Variants in CCDC170 observed in about 807,000 individuals in gnomAD.
The protein encoded by CCDC170 is coiled-coil domain-containing protein 170.
CCDC170 carries 69 observed loss-of-function variants against 72.6 expected under a neutral mutation model. The observed-to-expected ratio is 0.95, with a 90% CI of 0.78 to 1.16. The LOEUF is 1.16. Among genes scored for constraint, CCDC170 ranks in the 50% most tolerant of loss-of-function variants. The pLI is 0.00. For missense variants in CCDC170, 852 were observed against 832.5 expected (o/e 1.02, Z -0.29); for synonymous variants, 300 against 303.9 (o/e 0.99, Z 0.13).
intron 5 of CCDC170, among the ~76,000 whole-genome samples, chr6:151,550,673 A>C (rs1248950678): frequency 6.6e-6 from 1 of 152,142 alleles, no homozygotes; most frequent in Non-Finnish European, 1.5e-5. Context: ...ATTTCTCACA[A>C]ATCTGGAGGC....
chr6:151,511,407 CTATT>C (rs1233759963), intron 1 of CCDC170, among the ~76,000 whole-genome samples: 1 of 152,156 alleles, frequency 6.6e-6, no homozygotes, highest in Non-Finnish European at 1.5e-5. Context: ...TTCTGTTTGT[CTATT>C]TATCTTCCCA....
chr6:151,567,776 A>G (rs113118761), intron 5 of CCDC170, among the ~76,000 whole-genome samples: 2,822 of 152,190 alleles, frequency 0.019, 100 homozygotes, highest in African/African-American at 0.064. Flanking sequence ...CTTACCACAC[A>G]AGTCTAACAA....
intron 4 of CCDC170, among the ~76,000 whole-genome samples, chr6:151,545,419 A>C (rs1782756145): frequency 6.7e-6 from 1 of 149,686 alleles, no homozygotes; most frequent in South Asian, 2.1e-4. Context: ...CTCAAAAAAT[A>C]AACAAAACAA....
chr6:151,524,364 T>C (rs1782370512), intron 1 of CCDC170, among the ~76,000 whole-genome samples: 1 of 152,190 alleles, frequency 6.6e-6, no homozygotes, highest in Non-Finnish European at 1.5e-5. Flanking sequence ...TCAGTGATTC[T>C]CCTTTTGACT....
chr6:151,521,967 C>CA (rs1782322807), intron 1 of CCDC170, among the ~76,000 whole-genome samples: 3 of 133,364 alleles, frequency 2.2e-5, no homozygotes, highest in East Asian at 2.2e-4. Flanking sequence ...GCCTGGGTGA[C>CA]TGAGCGAGAC....
Position 151,517,169 on chromosome 6 carries a change from C to T in CCDC170, c.58-19149C>T, listed in dbSNP as rs140474718. On this transcript the variant is annotated intron_variant, in intron 1 of 10. Coordinates refer to ENST00000239374, the MANE Select transcript of CCDC170 (RefSeq NM_025059.4). The stretch of plus-strand genomic sequence containing the variant: ...GACCAACATGGAGAAACTGTCTCTA[C>T]TAAAAATACAAAATTAGCCAAGTGT... Among the ~76,000 whole-genome samples, 1,312 of 152,144 alleles carry T rather than the reference C, an allele frequency of 8.6e-3. 22 individuals carry two copies. The highest frequency in any genetic ancestry group is 0.03 in the African/African-American group (1,234 of 41,524).
At chr6:151,575,425 T>A (rs1343433977) in intron 6 of CCDC170, among the ~76,000 whole-genome samples, 81 of 132,070 alleles carry the variant, frequency 6.1e-4, no homozygotes, top group African/African-American at 2.3e-3. Flanking sequence ...AGAGCGAGAC[T>A]CTGTCCAAAA....
At chr6:151,523,627 A>T (rs1782357315) in intron 1 of CCDC170, among the ~76,000 whole-genome samples, 1 of 151,808 alleles carries the variant, frequency 6.6e-6, no homozygotes. Context: ...TGGAGGTTGC[A>T]GTGAGCTGAG....
chr6:151,525,751 A>G (rs1460006280), intron 1 of CCDC170, among the ~76,000 whole-genome samples: 2 of 152,182 alleles, frequency 1.3e-5, no homozygotes, highest in African/African-American at 2.4e-5. Context: ...GTCTCTTCAT[A>G]CAGATGTGCA....
At chr6:151,541,240 T>C (rs1782685756) in intron 3 of CCDC170, among the ~76,000 whole-genome samples, 1 of 152,220 alleles carries the variant, frequency 6.6e-6, no homozygotes, top group South Asian at 2.1e-4. Flanking sequence ...TCTAAAAATT[T>C]ACTCCTCTAA....
At position 151,536,338 on chromosome 6, in the gene CCDC170, G is replaced by A. The variant is rs769121829; in HGVS notation, c.78G>A (p.Ser26=). The part of the protein sequence containing the change: ...PAPEETYDHL[S]EVPVTREQLN... ...ACCAGGAAACTTACGATCATCTTTC[G>A]GAAGTCCCGGTCACGCGGGAGCAGT... The change falls in exon 2 of 11, where the codon TCG becomes TCA. Residue 26 remains serine, a synonymous_variant. Transcript: ENST00000239374. 5 of 1,613,790 alleles carry A rather than the reference G, an allele frequency of 3.1e-6. No homozygotes were observed. The highest frequency in any genetic ancestry group is 2.2e-5 in the South Asian group (2 of 91,078).
intron 9 of CCDC170, among the ~76,000 whole-genome samples, chr6:151,603,037 G>A (rs1291093641): frequency 6.6e-6 from 1 of 152,126 alleles, no homozygotes; most frequent in African/African-American, 2.4e-5. Context: ...CTGACCTCAG[G>A]TGATCCACCC....
Position 151,494,176 on chromosome 6 carries a change from A to G in CCDC170, c.48A>G (p.Pro16=). The G allele has an allele frequency of 6.6e-7, 1 of 1,517,422 alleles. No individual in the cohort carries two copies. The highest frequency in any genetic ancestry group is 8.8e-7 in the Non-Finnish European group (1 of 1,136,622). 94.0% of individuals were successfully genotyped at this position (1,517,422 alleles called of 1,614,324 possible). A position where few individuals can be genotyped will look rare whatever the true frequency, so the allele number is the denominator to read the frequency against. Reference sequence around the variant, plus strand: ...ATATCGCGCTGGGTGCCGCTTCGCCAGCGCCCGAGGTACGGTCCCAGCCGC... The same window carrying G: ...ATATCGCGCTGGGTGCCGCTTCGCCGGCGCCCGAGGTACGGTCCCAGCCGC... ...TSHIALGAAS[P]APEETYDHLS... is the part of the protein sequence containing the mutation. The change falls in exon 1 of 11, where the codon CCA becomes CCG. Residue 16 remains proline (P), a synonymous_variant. Transcript: ENST00000239374.
intron 5 of CCDC170, among the ~76,000 whole-genome samples, chr6:151,557,183 T>C (rs1238911272): frequency 1.3e-5 from 2 of 151,524 alleles, no homozygotes; most frequent in African/African-American, 4.9e-5. Flanking sequence ...CCAAGGCGGG[T>C]GGATCATGAC....
chr6:151,527,691 G>T (rs772855665), intron 1 of CCDC170, among the ~76,000 whole-genome samples: 14 of 152,002 alleles, frequency 9.2e-5, no homozygotes, highest in Non-Finnish European at 1.9e-4. Flanking sequence ...GAGGGAGAGA[G>T]AAATAGAAAG....
intron 9 of CCDC170, among the ~76,000 whole-genome samples, chr6:151,612,000 C>T (rs762662269): frequency 6.6e-6 from 1 of 152,146 alleles, no homozygotes; most frequent in African/African-American, 2.4e-5. Context: ...TGAGCCACTG[C>T]GCCTGGCCAA....
intron 3 of CCDC170, among the ~76,000 whole-genome samples, chr6:151,544,075 T>C (rs1782735429): frequency 6.6e-6 from 1 of 152,180 alleles, no homozygotes; most frequent in Non-Finnish European, 1.5e-5. Context: ...TCTGTGCTTT[T>C]GATGTATTTG....
intron 9 of CCDC170, among the ~76,000 whole-genome samples, chr6:151,611,144 C>T (rs577059667): frequency 3.9e-5 from 6 of 152,094 alleles, no homozygotes; most frequent in South Asian, 4.2e-4. Context: ...GGAGTGGTGG[C>T]GTGCGCCTGC....
At chr6:151,494,778 CACGCGAACAGGCACAT>C (rs1562818873) in intron 1 of CCDC170, among the ~76,000 whole-genome samples, 1 of 151,670 alleles carries the variant, frequency 6.6e-6, no homozygotes, top group African/African-American at 2.4e-5. Context: ...CTCGTGCACA[CACGCGAACAGGCACAT>C]ACGCGAACAA....
Sources: gnomAD v4.1 joint callset for allele counts (sites outside exome capture counted in the v4.1 genomes callset) on GRCh38, gnomAD v4.1.1 for gene constraint, MANE v1.5 for transcripts, NCBI Gene and HGNC (gene_info 2026-07-23, HGNC 2026-07-21) for gene names.